The following KAT2B variants were observed in gnomAD, a reference collection of about 807,000 sequenced individuals.
KAT2B encodes histone acetyltransferase KAT2B.
In KAT2B, 36 loss-of-function variants were observed where a neutral mutation model predicts 105.9. That is an observed-to-expected ratio of 0.34 (90% CI 0.26 to 0.45). The LOEUF (loss-of-function observed/expected upper bound fraction) is 0.45. Among genes scored for constraint, KAT2B ranks in the 20% least tolerant of loss-of-function variants. The probability of loss-of-function intolerance (pLI) is 1.00; values close to 1 mark genes in which losing one functional copy is unlikely to be tolerated. For missense variants in KAT2B, 820 were observed against 1,021.6 expected (o/e 0.80, Z 2.69); for synonymous variants, 397 against 377.9 (o/e 1.05, Z -0.59).
At chr3:20,101,242 A>G (rs967274817) in intron 4 of KAT2B, 45 bp from the exon 5 acceptor site, 3 of 1,529,304 alleles carry the variant, frequency 2.0e-6, no homozygotes, top group Non-Finnish European at 2.7e-6. Flanking sequence ...CAGAATTAGT[A>G]TGATTGCATA....
chr3:20,107,562 G>T (rs1165113617), intron 5 of KAT2B, among the ~76,000 whole-genome samples: 3 of 149,618 alleles, frequency 2.0e-5, no homozygotes, highest in Non-Finnish European at 4.4e-5. Flanking sequence ...GGAGGCTGGG[G>T]CAGGAGAGTT....
intron 1 of KAT2B, among the ~76,000 whole-genome samples, chr3:20,044,582 C>T (rs1697774495): frequency 6.8e-6 from 1 of 146,932 alleles, no homozygotes; most frequent in Admixed American, 6.8e-5. Flanking sequence ...TTTCCTTTCA[C>T]CTAGTCGGGG....
At chr3:20,091,508 T>C (rs1274368580) in intron 2 of KAT2B, among the ~76,000 whole-genome samples, 1 of 152,126 alleles carries the variant, frequency 6.6e-6, no homozygotes, top group Admixed American at 6.6e-5. Flanking sequence ...CTCTGATCTT[T>C]TTTGTTTACT....
intron 7 of KAT2B, among the ~76,000 whole-genome samples, chr3:20,118,328 T>TTGTGTGTGTGTGTG (rs10558647): frequency 7.2e-6 from 1 of 139,198 alleles, no homozygotes; most frequent in Non-Finnish European, 1.6e-5. Flanking sequence ...TCTCCTAAAT[T>TTGTGTGTGTGTGTG]TGTGTGTGTG....
chr3:20,043,133 G>C lies in KAT2B; in HGVS notation c.303+2353G>C, dbSNP rs186909080. Among the ~76,000 whole-genome samples the C allele has an allele frequency of 2.0e-4, 31 of 152,214 alleles. No homozygotes were observed. The East Asian group carries it at 5.8e-3, about 28-fold the overall frequency. On this transcript the variant is annotated intron_variant, in intron 1 of 17. Coordinates refer to ENST00000263754, the MANE Select transcript of KAT2B (RefSeq NM_003884.5). Reference sequence around the variant, plus strand: ...TTGCCCAGGCTGTTCTCAAACTCCTGAGCCCAAGCAATTTGCCCGCCTTGC... The same window carrying C: ...TTGCCCAGGCTGTTCTCAAACTCCTCAGCCCAAGCAATTTGCCCGCCTTGC...
Position 20,111,724 on chromosome 3 carries a change from C to A in KAT2B, c.980C>A (p.Ala327Glu), listed in dbSNP as rs763589872. 1.2e-6 allele frequency: 2 copies of A among 1,614,026 alleles called. No homozygotes were observed. The highest frequency in any genetic ancestry group is 1.7e-6 in the Non-Finnish European group (2 of 1,179,946). Residue 327 changes from alanine (A) to glutamate (E), a missense_variant, in exon 6 of 18, where the codon GCA (alanine) becomes GAA (glutamate). Coordinates refer to ENST00000263754, the MANE Select transcript of KAT2B (RefSeq NM_003884.5). ...TVMRRQLLEQ[A>E]RQEKDKLPLE... is the part of the protein sequence containing the mutation. ...ATGAGGCGACAACTCCTGGAACAAG[C>A]AAGACAGGAAAAAGATAAACTGCCT...
At position 20,152,685 on chromosome 3, in the gene KAT2B, G is replaced by A. The variant is rs1699890097; in HGVS notation, c.*160G>A. 1.9e-6 allele frequency: 1 copy of A among 521,546 alleles called. No individual in the cohort carries two copies. Among genetic ancestry groups the A allele is most frequent in the Non-Finnish European group, 3.4e-6 (1 of 295,762 alleles). The allele number at this position is 521,546 out of a possible 1,614,324, so 32.3% of individuals were successfully genotyped here. A position where few individuals can be genotyped will look rare whatever the true frequency, so the allele number is the denominator to read the frequency against. On this transcript the variant is annotated 3_prime_UTR_variant, in exon 18 of 18. Transcript: ENST00000263754. The stretch of plus-strand genomic sequence containing the variant: ...CAAAAAACCTCCTTTTAGCTTTTCA[G>A]ATATGTATTTAAATTGAAGTCATAG...
At chr3:20,048,522 T>C (rs1416648648) in intron 1 of KAT2B, among the ~76,000 whole-genome samples, 2 of 152,200 alleles carry the variant, frequency 1.3e-5, no homozygotes, top group African/African-American at 4.8e-5. Flanking sequence ...AGTAAATCCA[T>C]AGGGTCTGAT....
In KAT2B at chr3:20,130,085, C is replaced by T. The variant is rs895618967; in HGVS notation, c.1749+2536C>T. On this transcript the variant is annotated intron_variant, in intron 11 of 17. Coordinates refer to ENST00000263754, the MANE Select transcript of KAT2B (RefSeq NM_003884.5). ...CTCCGCCTCCTGGGTTCAAGTGATTCTTATGCCACAGCCACCTGAGTAGCC... is the reference window on the plus strand; with the variant it reads ...CTCCGCCTCCTGGGTTCAAGTGATTTTTATGCCACAGCCACCTGAGTAGCC... Among the ~76,000 whole-genome samples the T allele has an allele frequency of 3.3e-5, 5 of 152,224 alleles. No homozygotes were observed. In the East Asian group the frequency reaches 5.8e-4, roughly 18 times the overall value.
chr3:20,101,599 A>G (rs1698912548), intron 5 of KAT2B, 131 bp downstream of exon 5: 2 of 691,420 alleles, frequency 2.9e-6, no homozygotes, highest in East Asian at 2.7e-5. Flanking sequence ...TAATGTCTTT[A>G]TAATTTAACT....
chr3:20,115,054 T>G, intron 7 of KAT2B, 66 bp downstream of exon 7: 10 of 912,158 alleles, frequency 1.1e-5, no homozygotes, highest in Non-Finnish European at 1.8e-5. Flanking sequence ...AAGTTGCAGT[T>G]CACTGCAACT....
chr3:20,092,217 A>ATATTTATTTATTTATT (rs879484829), intron 2 of KAT2B, among the ~76,000 whole-genome samples: 1 of 79,878 alleles, frequency 1.3e-5, no homozygotes, highest in Non-Finnish European at 2.5e-5. Context: ...CTACTTTCAC[A>ATATTTATTTATTTATT]TATTTATTTA....
At chr3:20,128,110 TGTTGGACTTTG>T (rs1189210943) in intron 11 of KAT2B, among the ~76,000 whole-genome samples, 1 of 152,220 alleles carries the variant, frequency 6.6e-6, no homozygotes, top group African/African-American at 2.4e-5. Flanking sequence ...ACCAAGGCTT[TGTTGGACTTTG>T]GGGCGAGGTA....
At chr3:20,050,118 T>C (rs1697888983) in intron 1 of KAT2B, among the ~76,000 whole-genome samples, 2 of 151,340 alleles carry the variant, frequency 1.3e-5, no homozygotes, top group African/African-American at 4.9e-5. Context: ...GACGACTGCT[T>C]GAGCCCAGGA....
In KAT2B at chr3:20,146,376, T is replaced by C. The variant is rs143156951; in HGVS notation, c.2065T>C (p.Ser689Pro). The stretch of plus-strand genomic sequence containing the variant: ...AATTCGAAAAGTTTACCCTGGACTT[T>C]CATGTTTTAAAGATGGAGTTCGACA... Reference protein sequence around the residue: ...AQIRKVYPGLSCFKDGVRQIP... With the variant: ...AQIRKVYPGLPCFKDGVRQIP... The change falls in exon 14 of 18, where the codon TCA becomes CCA. Residue 689 changes from serine to proline, a missense_variant. Transcript: ENST00000263754. The C allele has an allele frequency of 2.5e-6, 4 of 1,613,634 alleles. No individual in the cohort carries two copies. Among genetic ancestry groups the C allele is most frequent in the East Asian group, 2.2e-5 (1 of 44,854 alleles).
At chr3:20,145,963 C>T (rs758938190) in intron 13 of KAT2B, among the ~76,000 whole-genome samples, 20 of 152,172 alleles carry the variant, frequency 1.3e-4, no homozygotes, top group Admixed American at 6.5e-5. Flanking sequence ...AGTGAATGCT[C>T]AGGGCTGCTT....
chr3:20,060,574 C>G (rs566080496), intron 1 of KAT2B, among the ~76,000 whole-genome samples: 15 of 151,992 alleles, frequency 9.9e-5, no homozygotes, highest in Non-Finnish European at 2.1e-4. Context: ...GCACTCCAGC[C>G]TGGGCAACAA....
rs767377212 is a variant in KAT2B, at chr3:20,072,390, C to G, written c.361C>G (p.Pro121Ala). Reference protein sequence around the residue: ...WKNPNPSPTPPRADLQQIIVS... With the variant: ...WKNPNPSPTPARADLQQIIVS... The stretch of plus-strand genomic sequence containing the variant: ...AAACCCTAACCCCTCACCCACTCCC[C>G]CCAGAGCCGACCTGCAGCAAATAAT... Residue 121 changes from proline (P) to alanine (A), a missense_variant, in exon 2 of 18, where the codon CCC becomes GCC. Coordinates refer to ENST00000263754, the MANE Select transcript of KAT2B (RefSeq NM_003884.5). 4 of 1,613,500 alleles carry G rather than the reference C, an allele frequency of 2.5e-6. No homozygotes were observed. The highest frequency in any genetic ancestry group is 3.4e-6 in the Non-Finnish European group (4 of 1,179,418).
intron 11 of KAT2B, among the ~76,000 whole-genome samples, chr3:20,131,397 A>G (rs1699509112): frequency 6.6e-6 from 1 of 151,764 alleles, no homozygotes; most frequent in Non-Finnish European, 1.5e-5. Flanking sequence ...AGATATTTAC[A>G]TTTTCACTGG....
Sources: gnomAD v4.1 joint callset for allele counts (sites outside exome capture counted in the v4.1 genomes callset) on GRCh38, gnomAD v4.1.1 for gene constraint, MANE v1.5 for transcripts, NCBI Gene and HGNC (gene_info 2026-07-23, HGNC 2026-07-21) for gene names.